The following SLC8A1 variants were observed in gnomAD, a reference collection of about 807,000 sequenced individuals.
SLC8A1 encodes solute carrier family 8 member A1.
SLC8A1 carries 18 observed loss-of-function variants against 68.3 expected under a neutral mutation model. The ratio of observed to expected loss-of-function variants is 0.26; its 90% confidence interval spans 0.18 to 0.39. The LOEUF (loss-of-function observed/expected upper bound fraction) is 0.39. SLC8A1 is among the 10% of genes least tolerant of loss of function. The pLI is 1.00. For synonymous variants in SLC8A1, 475 were observed against 415.5 expected, an observed-to-expected ratio of 1.14 and a Z score of -1.74; for missense variants, 985 against 1,156.7, an observed-to-expected ratio of 0.85 and a Z score of 2.15.
chr2:40,497,143 T>C (rs1576670670), intron 1 of SLC8A1, among the ~76,000 whole-genome samples: 1 of 152,034 alleles, frequency 6.6e-6, no homozygotes, highest in Non-Finnish European at 1.5e-5. Flanking sequence ...ATAGGATTAT[T>C]AAAATTAGTT....
intron 1 of SLC8A1, among the ~76,000 whole-genome samples, chr2:40,473,107 C>G (rs1468517040): frequency 6.6e-6 from 1 of 151,964 alleles, no homozygotes. Context: ...CTCTGTTTCC[C>G]GAGTATAGTG....
exon 2 of SLC8A1, chr2:40,430,260 T>C (rs766047310): frequency 6.2e-7 from 1 of 1,611,980 alleles, no homozygotes; most frequent in Non-Finnish European, 8.5e-7. Context: ...GTGAAAGACT[T>C]AATCGCCGCA....
At chr2:40,478,284 G>C (rs1017734867) in intron 1 of SLC8A1, among the ~76,000 whole-genome samples, 3 of 152,052 alleles carry the variant, frequency 2.0e-5, no homozygotes, top group Admixed American at 6.5e-5. Flanking sequence ...CAAGTTACTT[G>C]TTTAAGGCAG....
chr2:40,424,983 A>C (rs993154909), intron 2 of SLC8A1, among the ~76,000 whole-genome samples: 1 of 151,922 alleles, frequency 6.6e-6, no homozygotes, highest in Middle Eastern at 3.4e-3. Flanking sequence ...CAGCACTTCA[A>C]ATGTGTAGAT....
chr2:40,232,689 T>C (rs1233918886), intron 2 of SLC8A1, among the ~76,000 whole-genome samples: 4 of 139,026 alleles, frequency 2.9e-5, no homozygotes, highest in East Asian at 2.0e-4. Context: ...CATGCTGGTG[T>C]GCTGCACCCA....
rs191154162 is a variant in SLC8A1 at position 40,191,083 on chromosome 2, A to C, written c.1809-13228T>G. On this transcript the variant is annotated intron_variant, in intron 2 of 7. Transcript: ENST00000406785. Reference sequence around the variant, plus strand: ...AGGCATAGTTGAGTAGTGTGCCTCTATATGGTGAAATACTCCTTGAATGTC... The same window carrying C: ...AGGCATAGTTGAGTAGTGTGCCTCTCTATGGTGAAATACTCCTTGAATGTC... 5.5e-4 allele frequency among the ~76,000 whole-genome samples: 84 copies of C among 152,318 alleles called. 1 individual carries two copies. The highest frequency in any genetic ancestry group is 5.0e-3 in the Admixed American group (77 of 15,282).
At chr2:40,398,653 A>G (rs893483129) in intron 2 of SLC8A1, among the ~76,000 whole-genome samples, 1 of 152,260 alleles carries the variant, frequency 6.6e-6, no homozygotes, top group Non-Finnish European at 1.5e-5. Flanking sequence ...GAAATAAAAT[A>G]TGTGAACATC....
At chr2:40,465,434 C>T (rs1354595097) in intron 1 of SLC8A1, among the ~76,000 whole-genome samples, 2 of 152,004 alleles carry the variant, frequency 1.3e-5, no homozygotes, top group Non-Finnish European at 2.9e-5. Context: ...AGTTTTTCAC[C>T]ATTTTGATAA....
chr2:40,200,214 ATATATTTTTT>A (rs1451217873), intron 2 of SLC8A1, among the ~76,000 whole-genome samples: 248 of 9,646 alleles, frequency 0.026, 22 homozygotes, highest in African/African-American at 0.037. Flanking sequence ...ATAAATATAT[ATATATTTTTT>A]TATATATATA....
At chr2:40,162,870 CAG>C (rs1362975091) in intron 5 of SLC8A1, among the ~76,000 whole-genome samples, 1 of 152,116 alleles carries the variant, frequency 6.6e-6, no homozygotes, top group Non-Finnish European at 1.5e-5. Flanking sequence ...GTGGGTAAAG[CAG>C]AGTGGGCCAT....
intron 2 of SLC8A1, among the ~76,000 whole-genome samples, chr2:40,230,943 T>A (rs747298075): frequency 2.0e-5 from 3 of 152,208 alleles, no homozygotes; most frequent in Non-Finnish European, 2.9e-5. Context: ...CAAGTCTCTT[T>A]TGTGTGATGC....
rs954916794 is a variant in SLC8A1 at position 40,353,779 on chromosome 2, T to C, written c.1808+74694A>G. ...GTCCCATTTTCATTTTCCCAATCCATCCACAATGGCAGCGAAGCGCTCTAC... is the reference window on the plus strand; with the variant it reads ...GTCCCATTTTCATTTTCCCAATCCACCCACAATGGCAGCGAAGCGCTCTAC... On this transcript the variant is annotated intron_variant, in intron 2 of 7. Transcript: ENST00000406785. Among the ~76,000 whole-genome samples, 3 of 152,158 alleles carry C rather than the reference T, an allele frequency of 2.0e-5. No individual in the cohort carries two copies. In the East Asian group the frequency reaches 5.8e-4, roughly 29 times the overall value.
chr2:40,223,061 A>G (rs909467056), intron 2 of SLC8A1, among the ~76,000 whole-genome samples: 1 of 152,256 alleles, frequency 6.6e-6, no homozygotes, highest in Non-Finnish European at 1.5e-5. Context: ...AGAAAGACAC[A>G]TGTACATGTA....
intron 1 of SLC8A1, among the ~76,000 whole-genome samples, chr2:40,431,507 G>C (rs1021664813): frequency 3.9e-5 from 6 of 151,998 alleles, no homozygotes; most frequent in Non-Finnish European, 8.8e-5. Context: ...CCACCCACCA[G>C]CTCAAGCAAA....
intron 1 of SLC8A1, among the ~76,000 whole-genome samples, chr2:40,463,839 T>TACACACAC (rs761954909): frequency 1.1e-3 from 130 of 123,380 alleles, no homozygotes; most frequent in South Asian, 2.1e-3. Flanking sequence ...CACACACACA[T>TACACACAC]ACACACACAC....
chr2:40,243,706 C>G (rs746976380), intron 2 of SLC8A1, among the ~76,000 whole-genome samples: 4 of 152,080 alleles, frequency 2.6e-5, no homozygotes, highest in Non-Finnish European at 4.4e-5. Context: ...TGCATTTTTC[C>G]TTTGTGGTGG....
chr2:40,153,495 C>T (rs1037619245), intron 6 of SLC8A1, among the ~76,000 whole-genome samples: 4 of 152,194 alleles, frequency 2.6e-5, no homozygotes, highest in Admixed American at 2.0e-4. Flanking sequence ...TTTAACTCTA[C>T]ACTGAAACAA....
intron 2 of SLC8A1, among the ~76,000 whole-genome samples, chr2:40,287,582 A>ATGTGTGTGTGTGTGTGTG (rs10522914): frequency 0.023 from 2,971 of 127,438 alleles, 102 homozygotes; most frequent in Non-Finnish European, 0.025. Flanking sequence ...CAGAGGAATG[A>ATGTGTGTGTGTGTGTGTG]TGTGTGTGTG....
chr2:40,459,870 C>G lies in SLC8A1; in HGVS notation c.-24-29566G>C, dbSNP rs549967937. Among the ~76,000 whole-genome samples the G allele has an allele frequency of 2.7e-4, 41 of 152,326 alleles. 1 individual carries two copies. The South Asian group carries it at 8.5e-3, about 32-fold the overall frequency. Reference sequence around the variant, plus strand: ...GAAATTATACTATACACAACACACACACACTCTTCCACAAACTCACATACT... The same window carrying G: ...GAAATTATACTATACACAACACACAGACACTCTTCCACAAACTCACATACT... On this transcript the variant is annotated intron_variant, in intron 1 of 7. Transcript: ENST00000402441.
Sources: gnomAD v4.1 joint callset for allele counts (sites outside exome capture counted in the v4.1 genomes callset) on GRCh38, gnomAD v4.1.1 for gene constraint, MANE v1.5 for transcripts, NCBI Gene and HGNC (gene_info 2026-07-23, HGNC 2026-07-21) for gene names.